NLGN1: variants seen among roughly 807,000 people sequenced by gnomAD.
The protein encoded by NLGN1 is neuroligin-1.
In NLGN1, 12 loss-of-function variants were observed where a neutral mutation model predicts 65.5. The ratio of observed to expected loss-of-function variants is 0.18; its 90% CI spans 0.12 to 0.30. NLGN1 has a LOEUF of 0.30. NLGN1 is among the 10% of genes least tolerant of loss of function. The pLI is 1.00. For synonymous variants in NLGN1, 350 were observed against 359.5 expected, an observed-to-expected ratio of 0.97 and a Z score of 0.30; for missense variants, 750 against 1,007.1, an observed-to-expected ratio of 0.74 and a Z score of 3.46.
chr3:174,161,881 T>C (rs1027641915), intron 4 of NLGN1, among the ~76,000 whole-genome samples: 1 of 151,842 alleles, frequency 6.6e-6, no homozygotes, highest in Non-Finnish European at 1.5e-5. Context: ...AAAGAAATCA[T>C]AAATGTCAGT....
At chr3:173,516,374 A>G (rs1437031464) in intron 2 of NLGN1, among the ~76,000 whole-genome samples, 1 of 151,976 alleles carries the variant, frequency 6.6e-6, no homozygotes, top group Non-Finnish European at 1.5e-5. Flanking sequence ...ATCTCCATCT[A>G]GATAGCCAGA....
At chr3:173,586,399 C>CT (rs1423380899) in intron 2 of NLGN1, among the ~76,000 whole-genome samples, 1 of 152,110 alleles carries the variant, frequency 6.6e-6, no homozygotes, top group African/African-American at 2.4e-5. Flanking sequence ...TTCTCTAGTA[C>CT]TTTTTTTCAG....
At chr3:173,400,714 G>C (rs889105698) in intron 1 of NLGN1, among the ~76,000 whole-genome samples, 1 of 152,114 alleles carries the variant, frequency 6.6e-6, no homozygotes, top group African/African-American at 2.4e-5. Flanking sequence ...TCTAATGGTT[G>C]GCTTTCTCAC....
intron 2 of NLGN1, among the ~76,000 whole-genome samples, chr3:173,588,751 A>C (rs1167869393): frequency 1.3e-5 from 2 of 152,196 alleles, no homozygotes; most frequent in African/African-American, 2.4e-5. Context: ...CTTTAGCAGT[A>C]ATGCCTCTTT....
At chr3:174,079,528 T>C (rs1198455230) in intron 4 of NLGN1, among the ~76,000 whole-genome samples, 1 of 152,148 alleles carries the variant, frequency 6.6e-6, no homozygotes, top group African/African-American at 2.4e-5. Context: ...GACCCAGCAA[T>C]CCCGTTACTG....
At chr3:173,407,181 G>T (rs1560208809) in intron 1 of NLGN1, among the ~76,000 whole-genome samples, 1 of 152,152 alleles carries the variant, frequency 6.6e-6, no homozygotes, top group Admixed American at 6.5e-5. Context: ...ACATCTTTAT[G>T]ACTAAATGCG....
At chr3:173,434,024 T>C (rs578250808) in intron 1 of NLGN1, among the ~76,000 whole-genome samples, 7 of 152,310 alleles carry the variant, frequency 4.6e-5, no homozygotes, top group Middle Eastern at 3.4e-3. Flanking sequence ...TATTTAAGCT[T>C]AGATTCTTTT....
intron 4 of NLGN1, among the ~76,000 whole-genome samples, chr3:173,916,675 GA>G (rs1740799981): frequency 6.6e-6 from 1 of 151,996 alleles, no homozygotes; most frequent in Non-Finnish European, 1.5e-5. Context: ...CAAACAACAT[GA>G]AAATTTCAGA....
At chr3:173,631,019 G>A (rs2149540396) in intron 3 of NLGN1, among the ~76,000 whole-genome samples, 1 of 152,218 alleles carries the variant, frequency 6.6e-6, no homozygotes, top group Non-Finnish European at 1.5e-5. Flanking sequence ...TGCCTTCTCA[G>A]GGCAATGAAG....
At chr3:173,967,873 CTTAG>C (rs1238990441) in intron 4 of NLGN1, among the ~76,000 whole-genome samples, 6 of 152,110 alleles carry the variant, frequency 3.9e-5, no homozygotes, top group African/African-American at 1.4e-4. Context: ...TGACATAAAG[CTTAG>C]CCCTAGCATG....
intron 4 of NLGN1, among the ~76,000 whole-genome samples, chr3:174,225,990 T>C (rs1401152744): frequency 6.6e-6 from 1 of 152,058 alleles, no homozygotes; most frequent in African/African-American, 2.4e-5. Context: ...AGGAGTTGTG[T>C]GGTCATGATC....
At chr3:173,663,650 A>G (rs1761279640) in intron 3 of NLGN1, among the ~76,000 whole-genome samples, 1 of 152,008 alleles carries the variant, frequency 6.6e-6, no homozygotes. Context: ...AAAAAGCTGC[A>G]GTTGAGAGAT....
intron 4 of NLGN1, among the ~76,000 whole-genome samples, chr3:174,079,720 A>G (rs1175830168): frequency 6.6e-6 from 1 of 152,188 alleles, no homozygotes; most frequent in African/African-American, 2.4e-5. Context: ...AAAGAATGAG[A>G]TTATGTCCTT....
chr3:173,833,918 C>T (rs1221451270), intron 4 of NLGN1, among the ~76,000 whole-genome samples: 9 of 151,774 alleles, frequency 5.9e-5, no homozygotes, highest in African/African-American at 1.2e-4. Flanking sequence ...TTCAAAAGAC[C>T]AAGACTATTG....
At chr3:174,165,598 G>T (rs1225750645) in intron 4 of NLGN1, among the ~76,000 whole-genome samples, 3 of 152,056 alleles carry the variant, frequency 2.0e-5, no homozygotes, top group Non-Finnish European at 2.9e-5. Flanking sequence ...AATTTAATTT[G>T]ATAGTATTTT....
chr3:174,214,301 G>C (rs1737212746), intron 4 of NLGN1, among the ~76,000 whole-genome samples: 1 of 152,042 alleles, frequency 6.6e-6, no homozygotes, highest in South Asian at 2.1e-4. Context: ...TTGAGTTTCT[G>C]AATTATGCAG....
intron 3 of NLGN1, among the ~76,000 whole-genome samples, chr3:173,779,240 T>C (rs1012950034): frequency 2.0e-5 from 3 of 151,926 alleles, no homozygotes; most frequent in African/African-American, 7.2e-5. Flanking sequence ...TTCTAGGAAA[T>C]AATATTTGAT....
At chr3:173,751,154 C>T (rs1776248466) in intron 3 of NLGN1, among the ~76,000 whole-genome samples, 1 of 151,988 alleles carries the variant, frequency 6.6e-6, no homozygotes, top group Admixed American at 6.6e-5. Context: ...CCAGGGTCAC[C>T]TGAGTAGGCG....
intron 4 of NLGN1, among the ~76,000 whole-genome samples, chr3:173,849,095 A>T (rs1391795815): frequency 6.6e-6 from 1 of 152,058 alleles, no homozygotes; most frequent in Non-Finnish European, 1.5e-5. Context: ...ACTATAGATA[A>T]TTTTTTGATC....
Sources: allele counts gnomAD v4.1 joint callset (sites outside exome capture counted in the v4.1 genomes callset), GRCh38; gene constraint gnomAD v4.1.1; transcripts MANE v1.5; gene names NCBI Gene and HGNC (gene_info 2026-07-23, HGNC 2026-07-21).